The following CACNA1C variants were observed in gnomAD, a reference collection of about 807,000 sequenced individuals.
CACNA1C encodes voltage-dependent L-type calcium channel subunit alpha-1C.
Under a neutral mutation model 229.0 loss-of-function variants are expected in CACNA1C, and 30 were observed. The ratio of observed to expected loss-of-function variants is 0.13; its 90% confidence interval spans 0.10 to 0.18. CACNA1C has a LOEUF of 0.18. CACNA1C is among the 10% of genes least tolerant of loss of function. CACNA1C has a pLI of 1.00. For synonymous variants in CACNA1C, 1,114 were observed against 1,132.5 expected (o/e 0.98, Z 0.33); for missense variants, 1,658 against 2,845.0 (o/e 0.58, Z 9.49).
In CACNA1C at chr12:2,278,812, T is replaced by A. The variant is rs144949602; in HGVS notation, c.477+158382T>A. 2.3e-3 allele frequency among the ~76,000 whole-genome samples: 353 copies of A among 152,360 alleles called. 2 individuals carry two copies. The highest frequency in any genetic ancestry group is 8.2e-3 in the African/African-American group (339 of 41,584). On this transcript the variant is annotated intron_variant, in intron 3 of 46. Coordinates refer to ENST00000399655, the MANE Select transcript of CACNA1C (RefSeq NM_000719.7). ...AGTGTTTTAAGAAGTTGCCAAACTCTTTTCCAAAGTGGTTGTGCCATTTTG... is the reference window on the plus strand; with the variant it reads ...AGTGTTTTAAGAAGTTGCCAAACTCATTTCCAAAGTGGTTGTGCCATTTTG...
intron 3 of CACNA1C, among the ~76,000 whole-genome samples, chr12:2,209,936 A>T (rs1238420054): frequency 1.3e-5 from 2 of 152,244 alleles, no homozygotes; most frequent in Non-Finnish European, 2.9e-5. Flanking sequence ...TAAGTGGCTC[A>T]TATCAGAGAT....
At chr12:2,369,532 G>T (rs2097798368) in intron 3 of CACNA1C, among the ~76,000 whole-genome samples, 1 of 152,014 alleles carries the variant, frequency 6.6e-6, no homozygotes, top group East Asian at 1.9e-4. Flanking sequence ...CCGAGTTGCT[G>T]GGATTACAGG....
At position 2,486,006 on chromosome 12, in the gene CACNA1C, C is replaced by A; in HGVS notation, c.758-98C>A. On this transcript the variant is annotated intron_variant, in intron 5 of 46. Transcript: ENST00000399655. The surrounding 1 kb of genome is among the most constrained non-coding windows in gnomAD (Gnocchi z 4.9). ...CTTCTCATCTAAACAACAGGGCTGG[C>A]AGTTCCTTCCTTGCAGAGTTGCTGG... 3.2e-6 allele frequency: 3 copies of A among 946,074 alleles called. No individual in the cohort carries two copies. Among genetic ancestry groups the A allele is most frequent in the Admixed American group, 2.8e-5 (1 of 35,210 alleles). The allele number at this position is 946,074 out of a possible 1,614,324, so 58.6% of individuals were successfully genotyped here.
At chr12:2,090,301 G>A in intron 1 of CACNA1C, among the ~76,000 whole-genome samples, 1 of 143,730 alleles carries the variant, frequency 7.0e-6, no homozygotes. Context: ...CCATTTTATG[G>A]ATAGACTACT....
intron 4 of CACNA1C, among the ~76,000 whole-genome samples, chr12:2,453,728 A>G (rs1184746942): frequency 6.6e-6 from 1 of 152,078 alleles, no homozygotes. Flanking sequence ...TCGCCTGTTC[A>G]GGGTCAGCCA....
At chr12:2,563,834 G>A (rs1289301892) in intron 11 of CACNA1C, among the ~76,000 whole-genome samples, 1 of 152,248 alleles carries the variant, frequency 6.6e-6, no homozygotes, top group Non-Finnish European at 1.5e-5. Context: ...TGAGGGCAGT[G>A]CACACAGCAC....
intron 1 of CACNA1C, among the ~76,000 whole-genome samples, chr12:2,061,317 A>G (rs1422223194): frequency 6.6e-6 from 1 of 152,236 alleles, no homozygotes; most frequent in East Asian, 1.9e-4. Context: ...TAACATTCAC[A>G]GCATTTCAAA....
intron 29 of CACNA1C, among the ~76,000 whole-genome samples, chr12:2,615,765 G>T (rs887897109): frequency 6.6e-6 from 1 of 152,226 alleles, no homozygotes; most frequent in Non-Finnish European, 1.5e-5. Flanking sequence ...TAGTGGGAGT[G>T]ATGATGTCAC....
chr12:2,314,405 T>C (rs1245405699), intron 3 of CACNA1C, among the ~76,000 whole-genome samples: 1 of 152,166 alleles, frequency 6.6e-6, no homozygotes, highest in East Asian at 1.9e-4. Context: ...ACATTGTGAG[T>C]GCACAGCATG....
chr12:2,299,610 C>T (rs188878932), intron 3 of CACNA1C, among the ~76,000 whole-genome samples: 19 of 152,266 alleles, frequency 1.2e-4, no homozygotes, highest in Admixed American at 1.0e-3. Flanking sequence ...CCACATTGGC[C>T]GGAACAGAAC....
intron 3 of CACNA1C, among the ~76,000 whole-genome samples, chr12:2,137,069 C>T (rs971365725): frequency 1.3e-5 from 2 of 151,520 alleles, no homozygotes; most frequent in East Asian, 1.9e-4. Flanking sequence ...CACGGCGCCC[C>T]GCCCAGGTGA....
chr12:2,624,254 T>C (rs1031771632), intron 29 of CACNA1C, among the ~76,000 whole-genome samples: 1 of 152,132 alleles, frequency 6.6e-6, no homozygotes. Flanking sequence ...AAAACTGACA[T>C]TTAGTGTTTA....
At chr12:2,420,464 G>A (rs2154555995) in intron 3 of CACNA1C, among the ~76,000 whole-genome samples, 1 of 152,300 alleles carries the variant, frequency 6.6e-6, no homozygotes, top group Admixed American at 6.5e-5. Flanking sequence ...CCTCCCACTG[G>A]CTTTTCTCCC....
At chr12:2,569,528 A>G (rs1310366715) in intron 13 of CACNA1C, among the ~76,000 whole-genome samples, 2 of 152,116 alleles carry the variant, frequency 1.3e-5, no homozygotes, top group Non-Finnish European at 2.9e-5. Flanking sequence ...TGGACCATTC[A>G]TGTGAGTGAA....
rs535652637 is a variant in CACNA1C, at chr12:2,455,270, A to G, written c.618-2297A>G. Among the ~76,000 whole-genome samples the G allele has an allele frequency of 2.0e-5, 3 of 152,306 alleles. No individual in the cohort carries two copies. In the East Asian group the frequency reaches 5.8e-4, roughly 29 times the overall value. On this transcript the variant is annotated intron_variant, in intron 4 of 46. Transcript: ENST00000399655. Reference sequence around the variant, plus strand: ...TGCTCATTTAGAGCAAAATTTCCCAAAAGACTTGTCTATACGGTAGCCACA... The same window carrying G: ...TGCTCATTTAGAGCAAAATTTCCCAGAAGACTTGTCTATACGGTAGCCACA...
intron 3 of CACNA1C, among the ~76,000 whole-genome samples, chr12:2,325,848 C>T (rs2096265702): frequency 6.6e-6 from 1 of 152,240 alleles, no homozygotes; most frequent in South Asian, 2.1e-4. Flanking sequence ...AGGAAGTTTT[C>T]CCTAGGCCAG....
At chr12:2,286,067 C>G (rs1045039323) in intron 3 of CACNA1C, among the ~76,000 whole-genome samples, 1 of 152,154 alleles carries the variant, frequency 6.6e-6, no homozygotes, top group Non-Finnish European at 1.5e-5. Context: ...GGGATGTTGC[C>G]TCGTGTGAAT....
chr12:2,534,364 C>T (rs1480352085), intron 9 of CACNA1C, among the ~76,000 whole-genome samples: 1 of 152,108 alleles, frequency 6.6e-6, no homozygotes, highest in East Asian at 1.9e-4. Flanking sequence ...ACAAGGGTCC[C>T]GTGTGCTGAG....
chr12:2,375,147 C>T lies in CACNA1C; in HGVS notation c.478-73829C>T, dbSNP rs1027301830. 9.8e-5 allele frequency among the ~76,000 whole-genome samples: 15 copies of T among 152,322 alleles called. 1 individual carries two copies. Among genetic ancestry groups the T allele is most frequent in the Middle Eastern group, 3.4e-3 (1 of 294 alleles). ...GTTGGAACATGAACCCAGTGCAGGGCGCACTTCTCACACACTGCCCTTCTC... is the reference window on the plus strand; with the variant it reads ...GTTGGAACATGAACCCAGTGCAGGGTGCACTTCTCACACACTGCCCTTCTC... On this transcript the variant is annotated intron_variant, in intron 3 of 46. Coordinates refer to ENST00000399655, the MANE Select transcript of CACNA1C (RefSeq NM_000719.7).
Sources: gnomAD v4.1 joint callset for allele counts (sites outside exome capture counted in the v4.1 genomes callset) on GRCh38, gnomAD v4.1.1 for gene constraint, Gnocchi (gnomAD v3.1) non-coding constraint, MANE v1.5 for transcripts, NCBI Gene and HGNC (gene_info 2026-07-23, HGNC 2026-07-21) for gene names.